IRAK3: variants seen among roughly 807,000 people sequenced by gnomAD.
IRAK3 encodes the protein interleukin-1 receptor-associated kinase 3.
IRAK3 carries 57 observed loss-of-function variants against 56.6 expected under a neutral mutation model. The observed-to-expected ratio is 1.01, with a 90% CI of 0.81 to 1.26. The LOEUF is 1.26. IRAK3 is among the 50% of genes most tolerant of loss of function. The probability of loss-of-function intolerance (pLI) is 0.00; values close to 1 mark genes in which losing one functional copy is unlikely to be tolerated. For synonymous variants in IRAK3, 258 were observed against 255.7 expected, an observed-to-expected ratio of 1.01 and a Z score of -0.09; for missense variants, 703 against 719.0, an observed-to-expected ratio of 0.98 and a Z score of 0.25.
intron 2 of IRAK3, among the ~76,000 whole-genome samples, chr12:66,208,591 TC>T (rs1338291430): frequency 2.0e-5 from 3 of 151,292 alleles, no homozygotes; most frequent in Non-Finnish European, 4.4e-5. Context: ...TGAAACCCTG[TC>T]TCTACTAAAA....
rs201143363 is a variant in IRAK3 at position 66,210,213 on chromosome 12, C to A, written c.436+12C>A. On this transcript the variant is annotated intron_variant, in intron 4 of 11. Transcript: ENST00000261233. ...ACATAATGAAAAAGGTATGAAAAAA[C>A]CAGTTTTTTTCCAACAATTTTTTTA... 183 of 1,567,610 alleles carry A rather than the reference C, an allele frequency of 1.2e-4. No individual in the cohort carries two copies. The East Asian group carries it at 1.3e-3, about 12-fold the overall frequency.
intron 1 of IRAK3, chr12:66,196,981 T>C: frequency 2.0e-6 from 3 of 1,533,904 alleles, no homozygotes; most frequent in Non-Finnish European, 2.6e-6. Flanking sequence ...ATGTGTTGCA[T>C]TATTTGAAAA....
At chr12:66,202,053 A>T (rs1217676399) in intron 1 of IRAK3, among the ~76,000 whole-genome samples, 1 of 152,220 alleles carries the variant, frequency 6.6e-6, no homozygotes, top group Non-Finnish European at 1.5e-5. Flanking sequence ...CTTTATGTGC[A>T]TTGTAGAATT....
intron 5 of IRAK3, among the ~76,000 whole-genome samples, chr12:66,215,242 C>T (rs1753967722): frequency 6.6e-6 from 1 of 152,154 alleles, no homozygotes; most frequent in African/African-American, 2.4e-5. Flanking sequence ...ACCCCATCCC[C>T]AAAGGGTCCG....
At chr12:66,239,384 G>A (rs17826057) in intron 8 of IRAK3, among the ~76,000 whole-genome samples, 12,868 of 150,780 alleles carry the variant, frequency 0.085, 652 homozygotes, top group African/African-American at 0.13. Context: ...CAAAAGACTA[G>A]AAAAACTGAG....
At chr12:66,235,129 T>A in intron 8 of IRAK3, 2 of 1,612,728 alleles carry the variant, frequency 1.2e-6, no homozygotes, top group Non-Finnish European at 1.7e-6. Context: ...GCTGATCCCA[T>A]CCTGAGTTGC....
At chr12:66,205,169 T>C (rs1225839766) in intron 2 of IRAK3, among the ~76,000 whole-genome samples, 3 of 152,240 alleles carry the variant, frequency 2.0e-5, no homozygotes, top group African/African-American at 7.2e-5. Context: ...AGGTATGTTT[T>C]ATACTTCAGT....
chr12:66,235,909 T>A (rs2052902842), intron 8 of IRAK3, among the ~76,000 whole-genome samples: 1 of 152,216 alleles, frequency 6.6e-6, no homozygotes, highest in South Asian at 2.1e-4. Context: ...AGTCTAGCAA[T>A]AACATAAAAT....
At chr12:66,224,904 C>A (rs1484235047) in intron 6 of IRAK3, among the ~76,000 whole-genome samples, 1 of 152,106 alleles carries the variant, frequency 6.6e-6, no homozygotes, top group Non-Finnish European at 1.5e-5. Context: ...GATCTGCTAA[C>A]CTTCTGATGT....
Position 66,217,191 on chromosome 12 carries a change from G to C in IRAK3, c.609G>C (p.Lys203Asn), listed in dbSNP as rs2052685494. The C allele has an allele frequency of 6.2e-7, 1 of 1,610,542 alleles. No homozygotes were observed. Residue 203 changes from lysine to asparagine, a missense_variant, in exon 6 of 12, where the codon AAG becomes AAC. Lys to Asn is a moderately conservative substitution (Grantham distance 94). Coordinates refer to ENST00000261233, the MANE Select transcript of IRAK3 (RefSeq NM_007199.3). ...TGTAGGAGAAAAAAATGCAGTGTAA[G>C]AAGCATTGGAAGAGGTTTTTATCTG... is the stretch of plus-strand genomic sequence containing the variant. ...LFKQEKKMQC[K>N]KHWKRFLSEL...
At chr12:66,223,148 C>A (rs1036914448) in intron 6 of IRAK3, among the ~76,000 whole-genome samples, 17 of 152,024 alleles carry the variant, frequency 1.1e-4, no homozygotes, top group African/African-American at 3.9e-4. Context: ...ATTTTCACTT[C>A]TTTTGTGGTG....
rs1340061871 is a variant in IRAK3, at chr12:66,203,903, G to C, written c.316+10G>C. On this transcript the variant is annotated intron_variant, in intron 2 of 11. Coordinates refer to ENST00000261233, the MANE Select transcript of IRAK3 (RefSeq NM_007199.3). ...TTAATTACAAACTATGGTAAATGCTGATTCTTATAATGTGGCTCTTAATCT... is the reference window on the plus strand; with the variant it reads ...TTAATTACAAACTATGGTAAATGCTCATTCTTATAATGTGGCTCTTAATCT... 4 of 1,607,126 alleles carry C rather than the reference G, an allele frequency of 2.5e-6. No homozygotes were observed. The highest frequency in any genetic ancestry group is 1.7e-4 in the Middle Eastern group (1 of 6,048).
chr12:66,226,732 C>G lies in IRAK3; in HGVS notation c.663C>G (p.His221Gln). Reference protein sequence around the residue: ...SELEVLLLFHHPNILELAAYF... With the variant: ...SELEVLLLFHQPNILELAAYF... ...CATCTTTTGTTTCAAGGTTTCATCA[C>G]CCAAACATACTAGAGTTGGCTGCAT... Residue 221 changes from histidine (H) to glutamine (Q), a missense_variant, in exon 7 of 12, where the codon CAC becomes CAG. By Grantham distance (24) the His-to-Gln change is conservative. Coordinates refer to ENST00000261233, the MANE Select transcript of IRAK3 (RefSeq NM_007199.3). 6.3e-7 allele frequency: 1 copy of G among 1,592,886 alleles called. No homozygotes were observed. Among genetic ancestry groups the G allele is most frequent in the Middle Eastern group, 1.7e-4 (1 of 6,018 alleles).
At chr12:66,247,178 G>A (rs1229875332) in intron 11 of IRAK3, among the ~76,000 whole-genome samples, 2 of 152,176 alleles carry the variant, frequency 1.3e-5, no homozygotes, top group Non-Finnish European at 2.9e-5. Context: ...GCTAAGGCAG[G>A]AGGATTGCCT....
rs144421158 is a variant in IRAK3, at chr12:66,234,551, CCTT to C, written c.887+6184_887+6186del. 47 of 1,611,976 alleles carry C rather than the reference CCTT, an allele frequency of 2.9e-5. No individual in the cohort carries two copies. In the African/African-American group the frequency reaches 3.5e-4, roughly 12 times the overall value. ...TGTCATTCCAGTAAGTCTCACCTCT[CCTT>C]CTCTATGCCATGGTCTTCCATTAGG... is the stretch of plus-strand genomic sequence containing the variant. On this transcript the variant is annotated intron_variant, in intron 8 of 11. Transcript: ENST00000261233.
At chr12:66,207,188 C>T (rs757877616) in intron 2 of IRAK3, among the ~76,000 whole-genome samples, 8 of 152,042 alleles carry the variant, frequency 5.3e-5, no homozygotes, top group Non-Finnish European at 8.8e-5. Flanking sequence ...TCTTCTATTT[C>T]GGCCAGGCGA....
At chr12:66,190,817 C>T (rs1422258164) in intron 1 of IRAK3, among the ~76,000 whole-genome samples, 1 of 152,134 alleles carries the variant, frequency 6.6e-6, no homozygotes, top group Non-Finnish European at 1.5e-5. Flanking sequence ...AGGATCTGAA[C>T]CATGGTAGTC....
At chr12:66,219,589 T>C (rs561449691) in intron 6 of IRAK3, among the ~76,000 whole-genome samples, 12 of 152,302 alleles carry the variant, frequency 7.9e-5, no homozygotes, top group African/African-American at 2.4e-4. Flanking sequence ...AGAAGTGAGA[T>C]TGTTGGATCT....
intron 5 of IRAK3, among the ~76,000 whole-genome samples, chr12:66,215,894 GT>G (rs943425420): frequency 6.6e-6 from 1 of 151,272 alleles, no homozygotes; most frequent in African/African-American, 2.5e-5. Flanking sequence ...AAGAAATGCA[GT>G]TTTGTAACAT....
Sources: gnomAD v4.1 joint callset for allele counts (sites outside exome capture counted in the v4.1 genomes callset) on GRCh38, gnomAD v4.1.1 for gene constraint, MANE v1.5 for transcripts, NCBI Gene and HGNC (gene_info 2026-07-23, HGNC 2026-07-21) for gene names.